Variants in SV2C observed in about 807,000 individuals in gnomAD.
The protein encoded by SV2C is synaptic vesicle glycoprotein 2C, also known as solute carrier family 22 member B3.
Under a neutral mutation model 79.7 loss-of-function variants are expected in SV2C, and 49 were observed. The ratio of observed to expected loss-of-function variants is 0.61; its 90% CI spans 0.49 to 0.78. The LOEUF (loss-of-function observed/expected upper bound fraction) is 0.78, where lower values mean the gene tolerates loss of function less well. Ranked by LOEUF, SV2C falls within the 30% of genes least tolerant of loss-of-function variation. The pLI, the probability that SV2C is intolerant of heterozygous loss-of-function variation, is 0.00. For missense variants in SV2C, 833 were observed against 912.9 expected, an observed-to-expected ratio of 0.91 and a Z score of 1.13; for synonymous variants, 334 against 333.2, an observed-to-expected ratio of 1.00 and a Z score of -0.03.
At chr5:76,307,600 A>G (rs573438131) in intron 12 of SV2C, among the ~76,000 whole-genome samples, 1 of 152,266 alleles carries the variant, frequency 6.6e-6, no homozygotes. Flanking sequence ...CTATTTGAAT[A>G]CTTTTTCAGT....
intron 4 of SV2C, among the ~76,000 whole-genome samples, chr5:76,219,012 C>T (rs1744986856): frequency 6.6e-6 from 1 of 152,198 alleles, no homozygotes; most frequent in South Asian, 2.1e-4. Flanking sequence ...ATTAGAAGTA[C>T]AGGAACAGAA....
chr5:75,988,987 C>T, the SV2C span, among the ~76,000 whole-genome samples: 2 of 151,886 alleles, frequency 1.3e-5, no homozygotes, highest in African/African-American at 4.8e-5. Flanking sequence ...AAAACTACAA[C>T]CACTTTCCTT....
the SV2C span, among the ~76,000 whole-genome samples, chr5:75,932,723 T>C: frequency 3.3e-5 from 5 of 152,198 alleles, no homozygotes; most frequent in Admixed American, 1.3e-4. Flanking sequence ...AGGTTTTCCT[T>C]GCCCTGCTCC....
the SV2C span, among the ~76,000 whole-genome samples, chr5:75,941,292 T>C: frequency 6.6e-6 from 1 of 152,220 alleles, no homozygotes; most frequent in Non-Finnish European, 1.5e-5. Context: ...CCATTCATGG[T>C]TTAAGATAGA....
At chr5:75,910,298 A>G in the SV2C span, 1 of 522,816 alleles carries the variant, frequency 1.9e-6, no homozygotes, top group Non-Finnish European at 3.8e-6. Flanking sequence ...CATGGTCCTC[A>G]CACCCTGGTC....
intron 2 of SV2C, among the ~76,000 whole-genome samples, chr5:76,156,606 T>A (rs10063915): frequency 0.46 from 69,162 of 151,414 alleles, 15,995 homozygotes; most frequent in South Asian, 0.53. Context: ...AGAAAAAGAC[T>A]TCAAAATATG....
At chr5:76,164,721 A>AGTGTGTGT (rs10651569) in intron 2 of SV2C, among the ~76,000 whole-genome samples, 2,595 of 141,876 alleles carry the variant, frequency 0.018, 73 homozygotes, top group African/African-American at 0.051. Context: ...GATGGAACTC[A>AGTGTGTGT]GTGTGTGTGT....
At chr5:76,009,299 T>C in the SV2C span, among the ~76,000 whole-genome samples, 2 of 152,340 alleles carry the variant, frequency 1.3e-5, no homozygotes, top group Non-Finnish European at 2.9e-5. Flanking sequence ...GGGAATCTTA[T>C]ACACTGTTGA....
intron 12 of SV2C, among the ~76,000 whole-genome samples, chr5:76,302,274 A>T (rs1748033703): frequency 6.6e-6 from 1 of 152,184 alleles, no homozygotes; most frequent in South Asian, 2.1e-4. Flanking sequence ...GGTATCTAGA[A>T]CATATCTCTT....
intron 2 of SV2C, among the ~76,000 whole-genome samples, 165 bp downstream of exon 2, chr5:76,132,495 C>A (rs369711341): frequency 4.6e-4 from 70 of 152,288 alleles, no homozygotes; most frequent in African/African-American, 1.3e-3. Context: ...AATAATTGTA[C>A]AGTGAACACC....
chr5:75,869,481 G>C, the SV2C span, among the ~76,000 whole-genome samples: 2 of 152,198 alleles, frequency 1.3e-5, no homozygotes, highest in African/African-American at 2.4e-5. Context: ...TGCCAGCACA[G>C]CTGCAGTAAA....
At chr5:76,335,874 C>T (rs1001135607), downstream of SV2C, among the ~76,000 whole-genome samples, 5 of 152,340 alleles carry the variant, frequency 3.3e-5, no homozygotes, top group Admixed American at 2.6e-4. Flanking sequence ...CTCGGCCTTT[C>T]CCCCCTTTCT....
chr5:76,007,523 T>C, the SV2C span, among the ~76,000 whole-genome samples: 2 of 152,150 alleles, frequency 1.3e-5, no homozygotes, highest in African/African-American at 2.4e-5. Flanking sequence ...GGCACTCTTC[T>C]CTTTTGTGTT....
chr5:76,036,497 C>T, the SV2C span, among the ~76,000 whole-genome samples: 496 of 151,948 alleles, frequency 3.3e-3, 2 homozygotes, highest in Middle Eastern at 0.048. Context: ...TTCTCCTTCA[C>T]TTATGAAGCT....
the SV2C span, among the ~76,000 whole-genome samples, chr5:75,984,585 ATC>A: frequency 1.7e-5 from 2 of 115,838 alleles, no homozygotes; most frequent in African/African-American, 2.9e-5. Context: ...CTATCTATCT[ATC>A]TATCTATCTA....
chr5:76,191,609 C>A (rs534940581), intron 2 of SV2C, among the ~76,000 whole-genome samples: 1 of 152,200 alleles, frequency 6.6e-6, no homozygotes, highest in Admixed American at 6.5e-5. Context: ...AGCAGCTTAG[C>A]AAAGAGACAG....
At chr5:76,133,050 A>G (rs1748953884) in intron 2 of SV2C, among the ~76,000 whole-genome samples, 1 of 152,064 alleles carries the variant, frequency 6.6e-6, no homozygotes, top group Non-Finnish European at 1.5e-5. Flanking sequence ...TTTTGTTTTG[A>G]AGTTACCATG....
intron 4 of SV2C, among the ~76,000 whole-genome samples, chr5:76,226,794 G>A (rs17674367): frequency 0.013 from 1,937 of 152,264 alleles, 46 homozygotes; most frequent in East Asian, 0.057. Flanking sequence ...CGGGTGATGG[G>A]CCTGTGCTGA....
chr5:76,207,121 A>G (rs535354348), intron 3 of SV2C, among the ~76,000 whole-genome samples: 2 of 152,202 alleles, frequency 1.3e-5, no homozygotes, highest in African/African-American at 4.8e-5. Context: ...TTGAAAACTA[A>G]CAGGCAAATC....
Sources: allele counts gnomAD v4.1 joint callset (sites outside exome capture counted in the v4.1 genomes callset), GRCh38; gene constraint gnomAD v4.1.1; transcripts MANE v1.5; gene names NCBI Gene and HGNC (gene_info 2026-07-23, HGNC 2026-07-21).